Variants in PDXDC1 observed in about 807,000 individuals in gnomAD.
PDXDC1 encodes the protein pyridoxal dependent decarboxylase domain containing 1, also known as pyridoxal-dependent decarboxylase domain-containing protein 1.
PDXDC1 carries 42 observed loss-of-function variants against 100.1 expected under a neutral mutation model. The observed-to-expected ratio is 0.42, with a 90% CI of 0.33 to 0.54. The LOEUF (loss-of-function observed/expected upper bound fraction) is 0.54. PDXDC1 is among the 20% of genes least tolerant of loss of function. The pLI, the probability that PDXDC1 is intolerant of heterozygous loss-of-function variation, is 0.10. For missense variants in PDXDC1, 636 were observed against 979.2 expected (o/e 0.65, Z 4.68); for synonymous variants, 260 against 371.7 (o/e 0.70, Z 3.46).
At chr16:14,992,382 G>A (rs1348129553) in intron 1 of PDXDC1, among the ~76,000 whole-genome samples, 2 of 152,286 alleles carry the variant, frequency 1.3e-5, no homozygotes. Context: ...GGAGCATGAA[G>A]GTGTGAATCA....
chr16:15,035,870 T>TC, intron 22 of PDXDC1, 146 bp from the exon 23 acceptor site: 1 of 869,684 alleles, frequency 1.1e-6, no homozygotes, highest in Non-Finnish European at 1.8e-6. Context: ...CTCTCGGTTT[T>TC]CTCATCTCCT....
intron 16 of PDXDC1, chr16:15,127,709 C>A (rs1162009710): frequency 1.3e-6 from 2 of 1,488,660 alleles, no homozygotes; most frequent in Middle Eastern, 2.4e-4. Flanking sequence ...TCACCAACAG[C>A]CCCGTACCAC....
chr16:14,974,860 A>C (rs567662521), upstream of PDXDC1: 119 of 1,535,644 alleles, frequency 7.7e-5, no homozygotes, highest in Middle Eastern at 3.3e-4. Context: ...TGTGATTATT[A>C]TACTTCTACC....
chr16:15,031,962 G>C, intron 17 of PDXDC1, 56 bp downstream of exon 17: 1 of 1,416,722 alleles, frequency 7.1e-7, no homozygotes, highest in Non-Finnish European at 9.7e-7. Flanking sequence ...AAGAACATGA[G>C]TGGGTCATTT....
chr16:15,109,661 A>T (rs1443613182), intron 16 of PDXDC1, among the ~76,000 whole-genome samples: 1 of 14,556 alleles, frequency 6.9e-5, no homozygotes, highest in Non-Finnish European at 2.4e-4. Flanking sequence ...TGTCTCAAAA[A>T]AAAAAAAAAA....
At chr16:15,125,793 C>T (rs754601694) in intron 16 of PDXDC1, 75 of 1,378,982 alleles carry the variant, frequency 5.4e-5, no homozygotes, top group African/African-American at 8.3e-5. Flanking sequence ...GTGTGGGGCT[C>T]GGGCTCCCAG....
At chr16:15,148,585 T>C in the PDXDC1 span, among the ~76,000 whole-genome samples, 2 of 151,272 alleles carry the variant, frequency 1.3e-5, no homozygotes, top group African/African-American at 4.9e-5. Flanking sequence ...GGTCTCACCC[T>C]GTTGCCCAGG....
At chr16:15,141,370 C>T (rs1444385159), downstream of PDXDC1, among the ~76,000 whole-genome samples, 1 of 152,254 alleles carries the variant, frequency 6.6e-6, no homozygotes, top group Non-Finnish European at 1.5e-5. Context: ...GAAGCAGCCC[C>T]AGCCACGGAC....
chr16:15,004,264 A>C lies in PDXDC1; in HGVS notation c.320A>C (p.Lys107Thr). ...SLGAYISTLD[K>T]EKLRKLTTRI... Reference sequence around the variant, plus strand: ...GGAGCTTATATTTCAACTCTGGACAAAGAGAAGCTGAGAAAACTTACAACT... The same window carrying C: ...GGAGCTTATATTTCAACTCTGGACACAGAGAAGCTGAGAAAACTTACAACT... Residue 107 changes from lysine to threonine, a missense_variant, in exon 5 of 23, where the codon AAA (lysine) becomes ACA (threonine). By Grantham distance (78) the Lys-to-Thr change is moderately conservative (BLOSUM62 -1). This residue lies in a region of PDXDC1 where 125 missense variants were observed against 479.9 expected (regional missense o/e 0.26). Coordinates refer to ENST00000396410, the MANE Select transcript of PDXDC1 (RefSeq NM_015027.4). 1.9e-6 allele frequency: 3 copies of C among 1,614,196 alleles called. No individual in the cohort carries two copies. In the South Asian group the frequency reaches 3.3e-5, roughly 18 times the overall value.
intron 16 of PDXDC1, chr16:15,103,071 G>A (rs1157340355): frequency 4.8e-6 from 2 of 413,392 alleles, no homozygotes; most frequent in East Asian, 1.0e-4. Flanking sequence ...TTGTGCCTCT[G>A]CAGTCCAGCC....
intron 16 of PDXDC1, chr16:15,114,313 TA>T: frequency 2.0e-6 from 1 of 497,740 alleles, no homozygotes; most frequent in East Asian, 3.9e-5. Flanking sequence ...CTTATGCTAA[TA>T]AATCATTTCC....
At position 15,076,731 on chromosome 16, in the gene PDXDC1, T is replaced by A. The variant is rs1169618727; in HGVS notation, c.1399+46675T>A. On this transcript the variant is annotated intron_variant, in intron 16 of 16. Coordinates refer to the PDXDC1 transcript ENST00000535621. ...TATTTTGGGATGGAAATTCATCTGATATACGCATGTTCAAGGTGTCCAGAT... is the reference window on the plus strand; with the variant it reads ...TATTTTGGGATGGAAATTCATCTGAAATACGCATGTTCAAGGTGTCCAGAT... The A allele has an allele frequency of 6.3e-6, 6 of 957,104 alleles. No individual in the cohort carries two copies. The African/African-American group carries it at 9.8e-5, about 16-fold the overall frequency. 59.3% of individuals were successfully genotyped at this position (957,104 alleles called of 1,614,324 possible).
intron 16 of PDXDC1, chr16:15,071,289 T>G: frequency 6.5e-7 from 1 of 1,547,338 alleles, no homozygotes; most frequent in Non-Finnish European, 8.7e-7. Context: ...TCTTTTTTAA[T>G]GCCTAAGATA....
rs185815987 is a variant in PDXDC1, at chr16:15,004,594, G to A, written c.389+261G>A. ...TAGAAGCACATATGTGTTTGATAGGGTCAGCAGTTATTTATTTGTGGGGTA... is the reference window on the plus strand; with the variant it reads ...TAGAAGCACATATGTGTTTGATAGGATCAGCAGTTATTTATTTGTGGGGTA... On this transcript the variant is annotated intron_variant, in intron 5 of 22. Transcript: ENST00000396410. Among the ~76,000 whole-genome samples the A allele has an allele frequency of 5.2e-3, 787 of 152,354 alleles. 4 individuals are homozygous for A. The highest frequency in any genetic ancestry group is 7.8e-3 in the Non-Finnish European group (533 of 68,022).
intron 16 of PDXDC1, chr16:15,135,768 G>A (rs531285117): frequency 1.3e-5 from 20 of 1,595,932 alleles, no homozygotes; most frequent in African/African-American, 6.7e-5. Flanking sequence ...GACCACACGC[G>A]GTATGAGCCA....
chr16:15,127,880 G>A (rs1052295854), intron 16 of PDXDC1: 75 of 1,552,640 alleles, frequency 4.8e-5, no homozygotes, highest in African/African-American at 8.2e-5. Context: ...CGCCGGAAGC[G>A]CAACAGGGCT....
chr16:15,097,902 T>C (rs1286457920), intron 16 of PDXDC1, among the ~76,000 whole-genome samples: 1 of 151,454 alleles, frequency 6.6e-6, no homozygotes, highest in African/African-American at 2.4e-5. Flanking sequence ...GTTATCTCCA[T>C]GCTGTATTAT....
intron 16 of PDXDC1, chr16:15,047,412 A>G (rs745540384): frequency 1.1e-5 from 15 of 1,396,036 alleles, no homozygotes; most frequent in Non-Finnish European, 1.3e-5. Flanking sequence ...CAAGATCTCA[A>G]TTCACCTATG....
chr16:15,060,186 C>T lies in PDXDC1; in HGVS notation c.1399+30130C>T, dbSNP rs1261565346. On this transcript the variant is annotated intron_variant, in intron 16 of 16. Transcript: ENST00000535621. ...TTCTACATTAAAACTACTTCCCAAC[C>T]CACAAAGACCCCACTTACTACTAAT... 9 of 417,420 alleles carry T rather than the reference C, an allele frequency of 2.2e-5. No homozygotes were observed. The East Asian group carries it at 6.9e-4, about 32-fold the overall frequency. 25.9% of individuals were successfully genotyped at this position (417,420 alleles called of 1,614,324 possible). A position where few individuals can be genotyped will look rare whatever the true frequency, so the allele number is the denominator to read the frequency against.
Sources: allele counts gnomAD v4.1 joint callset (sites outside exome capture counted in the v4.1 genomes callset), GRCh38; gene constraint gnomAD v4.1.1; regional missense constraint gnomAD v4.1.1; transcripts MANE v1.5; gene names NCBI Gene and HGNC (gene_info 2026-07-23, HGNC 2026-07-21).